CRIM1: variants seen among roughly 807,000 people sequenced by gnomAD.
CRIM1 encodes the protein cysteine-rich motor neuron 1 protein.
In CRIM1, 32 loss-of-function variants were observed where a neutral mutation model predicts 116.4. The ratio of observed to expected loss-of-function variants is 0.27; its 90% confidence interval spans 0.21 to 0.37. CRIM1 has a LOEUF of 0.37. Among genes scored for constraint, CRIM1 ranks in the 10% least tolerant of loss-of-function variants. The probability of loss-of-function intolerance (pLI) is 1.00; values close to 1 mark genes in which losing one functional copy is unlikely to be tolerated. For synonymous variants in CRIM1, 590 were observed against 509.2 expected (o/e 1.16, Z -2.13); for missense variants, 1,331 against 1,354.8 (o/e 0.98, Z 0.28).
Position 36,549,982 on chromosome 2 carries a change from AAC to A in CRIM1, c.*1285_*1286del, listed in dbSNP as rs1470781157. ...TTGATCACTTACAAATTTTTTGAAT[AAC>A]ACAAAATCTCATTCTACCTGCAGTT... On this transcript the variant is annotated 3_prime_UTR_variant, in exon 17 of 17. Transcript: ENST00000280527. The A allele has an allele frequency of 6.6e-6, 1 of 152,494 alleles. No homozygotes were observed. Among genetic ancestry groups the A allele is most frequent in the Non-Finnish European group, 1.5e-5 (1 of 68,014 alleles). 9.4% of individuals were successfully genotyped at this position (152,494 alleles called of 1,614,324 possible).
At chr2:36,422,240 A>C (rs1293846506) in intron 2 of CRIM1, among the ~76,000 whole-genome samples, 1 of 152,102 alleles carries the variant, frequency 6.6e-6, no homozygotes, top group African/African-American at 2.4e-5. Flanking sequence ...TATATTCAAT[A>C]TAGTTAATGT....
intron 2 of CRIM1, among the ~76,000 whole-genome samples, chr2:36,422,286 A>G (rs760900795): frequency 9.2e-5 from 14 of 152,164 alleles, no homozygotes; most frequent in Non-Finnish European, 1.6e-4. Flanking sequence ...ATACTTTAGT[A>G]GCACTCAGTC....
chr2:36,433,492 G>A (rs925332881), intron 2 of CRIM1, among the ~76,000 whole-genome samples: 3 of 152,170 alleles, frequency 2.0e-5, no homozygotes, highest in African/African-American at 4.8e-5. Context: ...TGCCCTTGGC[G>A]AAGCTGTACT....
chr2:36,458,830 C>A (rs1298692131), intron 4 of CRIM1, among the ~76,000 whole-genome samples: 6 of 152,134 alleles, frequency 3.9e-5, no homozygotes, highest in Non-Finnish European at 8.8e-5. Flanking sequence ...TTATTATGAT[C>A]CACCTGTCTC....
At position 36,442,684 on chromosome 2, in the gene CRIM1, A is replaced by G. The variant is rs371934785; in HGVS notation, c.818A>G (p.Tyr273Cys). 12 of 1,614,084 alleles carry G rather than the reference A, an allele frequency of 7.4e-6. No homozygotes were observed. The highest frequency in any genetic ancestry group is 2.2e-5 in the East Asian group (1 of 44,900). Reference sequence around the variant, plus strand: ...CAGACCGCGTGTCCCCCGGACAGCTATGAAACTCAAGTCAGACTAACTGCA... The same window carrying G: ...CAGACCGCGTGTCCCCCGGACAGCTGTGAAACTCAAGTCAGACTAACTGCA... ...VQQTACPPDS[Y>C]ETQVRLTADG... The change falls in exon 4 of 17, where the codon TAT (tyrosine) becomes TGT (cysteine). Residue 273 changes from tyrosine (Y) to cysteine (C), a missense_variant. Tyr to Cys is a radical substitution (Grantham distance 194). Coordinates refer to ENST00000280527, the MANE Select transcript of CRIM1 (RefSeq NM_016441.3).
At chr2:36,468,323 C>T (rs985276962) in intron 5 of CRIM1, among the ~76,000 whole-genome samples, 2 of 152,138 alleles carry the variant, frequency 1.3e-5, no homozygotes, top group African/African-American at 4.8e-5. Flanking sequence ...GTTTTGAAAA[C>T]ACTAGCCTGA....
intron 4 of CRIM1, among the ~76,000 whole-genome samples, chr2:36,446,219 C>G (rs1676231856): frequency 6.6e-6 from 1 of 152,138 alleles, no homozygotes; most frequent in Non-Finnish European, 1.5e-5. Flanking sequence ...CTCCTTCATT[C>G]CCATCCAAAT....
At chr2:36,367,476 C>T (rs1037010979) in intron 1 of CRIM1, among the ~76,000 whole-genome samples, 2 of 152,198 alleles carry the variant, frequency 1.3e-5, no homozygotes, top group African/African-American at 4.8e-5. Context: ...TTCAACTTCC[C>T]TTGGCATGAC....
intron 1 of CRIM1, among the ~76,000 whole-genome samples, chr2:36,362,418 C>T (rs1669286641): frequency 6.6e-6 from 1 of 152,114 alleles, no homozygotes; most frequent in Admixed American, 6.5e-5. Context: ...TGCAATTGGT[C>T]TCAGTGTTTC....
intron 14 of CRIM1, among the ~76,000 whole-genome samples, chr2:36,543,019 T>A (rs972035387): frequency 2.6e-5 from 4 of 152,218 alleles, no homozygotes; most frequent in African/African-American, 9.6e-5. Context: ...CTATTTTTAA[T>A]TCTCGAGTTT....
chr2:36,506,175 TCTCTCTCACACACA>T (rs1257721442), intron 8 of CRIM1, among the ~76,000 whole-genome samples: 2 of 84,580 alleles, frequency 2.4e-5, no homozygotes, highest in African/African-American at 3.9e-5. Context: ...TCTCTCTCTC[TCTCTCTCACACACA>T]CACACACACA....
At chr2:36,468,415 G>A (rs142748635) in intron 5 of CRIM1, among the ~76,000 whole-genome samples, 2 of 152,296 alleles carry the variant, frequency 1.3e-5, no homozygotes, top group East Asian at 3.9e-4. Context: ...GCGGAGGGAT[G>A]GGAGAGTTGC....
At chr2:36,437,900 G>C (rs1675445305) in intron 2 of CRIM1, among the ~76,000 whole-genome samples, 1 of 152,070 alleles carries the variant, frequency 6.6e-6, no homozygotes. Flanking sequence ...TTGGGAGGCT[G>C]AGGCGGGTGG....
In CRIM1 at chr2:36,441,409, CAA is replaced by C. The variant is rs756033153; in HGVS notation, c.659_660del (p.Lys220SerfsTer23). 1 of 1,614,192 alleles carries C rather than the reference CAA, an allele frequency of 6.2e-7. No homozygotes were observed. Among genetic ancestry groups the C allele is most frequent in the East Asian group, 2.2e-5 (1 of 44,878 alleles). ...CVCNPAGCLR[K>X]VCQPGNLNIL... ...TGTGCAACCCCGCAGGCTGTCTGCG[CAA>C]AGTCTGCCAGCCGGGAAACCTGAAC... On this transcript the variant is annotated frameshift_variant, in exon 3 of 17. Transcript: ENST00000280527. LOFTEE classifies it high-confidence loss of function.
Position 36,517,625 on chromosome 2 carries a change from G to C in CRIM1, c.2206+83G>C, listed in dbSNP as rs78975863. The C allele has an allele frequency of 3.8e-4, 532 of 1,398,760 alleles. 1 individual carries two copies. In the African/African-American group the frequency reaches 6.8e-3, roughly 18 times the overall value. The allele number at this position is 1,398,760 out of a possible 1,614,324, so 86.6% of individuals were successfully genotyped here. ...GTCATTCTGTGGGACCCACAGGGCA[G>C]GATCAGCCCCATATGGGAGTGTGCC... On this transcript the variant is annotated intron_variant, in intron 12 of 16. Coordinates refer to ENST00000280527, the MANE Select transcript of CRIM1 (RefSeq NM_016441.3).
intron 1 of CRIM1, among the ~76,000 whole-genome samples, chr2:36,363,318 G>T (rs575481538): frequency 6.6e-6 from 1 of 152,182 alleles, no homozygotes; most frequent in South Asian, 2.1e-4. Context: ...TAAGGACTCA[G>T]TGCATCCCTA....
At chr2:36,370,415 C>T (rs1047423592) in intron 1 of CRIM1, among the ~76,000 whole-genome samples, 6 of 152,028 alleles carry the variant, frequency 3.9e-5, no homozygotes, top group Admixed American at 3.9e-4. Context: ...AAGGTGAGCC[C>T]TCAGCAACCA....
rs75461272 is a variant in CRIM1 at position 36,430,962 on chromosome 2, C to T, written c.506-10296C>T. ...AGAAATTACCTATATAAGGCTGCTT[C>T]CTTCCTTCTCTCCAGAGTGGAGACG... On this transcript the variant is annotated intron_variant, in intron 2 of 16. Transcript: ENST00000280527. Among the ~76,000 whole-genome samples the T allele has an allele frequency of 2.0e-5, 3 of 152,288 alleles. No homozygotes were observed. In the East Asian group the frequency reaches 5.8e-4, roughly 29 times the overall value.
At chr2:36,465,955 G>T (rs848561) in intron 5 of CRIM1, among the ~76,000 whole-genome samples, 1 of 150,630 alleles carries the variant, frequency 6.6e-6, no homozygotes, top group African/African-American at 2.5e-5. Context: ...GCGCAATCTC[G>T]GCTCACTGCA....
Sources: gnomAD v4.1 joint callset for allele counts (sites outside exome capture counted in the v4.1 genomes callset) on GRCh38, gnomAD v4.1.1 for gene constraint, MANE v1.5 for transcripts, NCBI Gene and HGNC (gene_info 2026-07-23, HGNC 2026-07-21) for gene names.